The following SPATS2 variants were observed in gnomAD, a reference collection of about 807,000 sequenced individuals.
The protein encoded by SPATS2 is spermatogenesis associated serine rich 2.
In SPATS2, 38 loss-of-function variants were observed where a neutral mutation model predicts 63.7. The observed-to-expected ratio is 0.60, with a 90% confidence interval of 0.46 to 0.78. SPATS2 has a LOEUF of 0.78. SPATS2 is among the 30% of genes least tolerant of loss of function. The probability of loss-of-function intolerance (pLI) is 0.00; values close to 1 mark genes in which losing one functional copy is unlikely to be tolerated. For missense variants in SPATS2, 588 were observed against 666.2 expected (o/e 0.88, Z 1.29); for synonymous variants, 207 against 232.9 (o/e 0.89, Z 1.01).
intron 5 of SPATS2, chr12:49,490,414 C>A (rs1404385312): frequency 7.4e-6 from 3 of 404,208 alleles, no homozygotes; most frequent in Admixed American, 8.4e-5. Flanking sequence ...AGAGAATCTT[C>A]AAAATGGCCC....
chr12:49,368,120 A>G (rs551479885), intron 1 of SPATS2, among the ~76,000 whole-genome samples: 31 of 152,334 alleles, frequency 2.0e-4, no homozygotes, highest in Non-Finnish European at 3.1e-4. Context: ...AGATGTGGTT[A>G]GGACTTGGAT....
rs1233358750 is a variant in SPATS2, at chr12:49,494,876, G to A, written c.400G>A (p.Val134Ile). 1.9e-6 allele frequency: 3 copies of A among 1,613,866 alleles called. No individual in the cohort carries two copies. Among genetic ancestry groups the A allele is most frequent in the African/African-American group, 2.7e-5 (2 of 74,850 alleles). Residue 134 changes from valine to isoleucine, a missense_variant, in exon 7 of 14, where the codon GTC becomes ATC. Transcript: ENST00000552918. Reference sequence around the variant, plus strand: ...GAAAGGTGGTATGAATGGCTACCATGTCAATGGTGCCATCAATGACACTGA... The same window carrying A: ...GAAAGGTGGTATGAATGGCTACCATATCAATGGTGCCATCAATGACACTGA... ...SEKGGMNGYH[V>I]NGAINDTESV...
chr12:49,497,851 A>G (rs1946490166), intron 8 of SPATS2, among the ~76,000 whole-genome samples: 1 of 151,984 alleles, frequency 6.6e-6, no homozygotes, highest in Non-Finnish European at 1.5e-5. Flanking sequence ...TAAAAAAAAA[A>G]GAAAACTACA....
At chr12:49,382,528 T>A (rs1196137342) in intron 2 of SPATS2, among the ~76,000 whole-genome samples, 3 of 152,106 alleles carry the variant, frequency 2.0e-5, no homozygotes, top group African/African-American at 7.2e-5. Context: ...AAATGTAGAG[T>A]GTGTGAAGCA....
chr12:49,437,792 T>G (rs1229391932), intron 2 of SPATS2, among the ~76,000 whole-genome samples: 1 of 151,890 alleles, frequency 6.6e-6, no homozygotes, highest in East Asian at 1.9e-4. Flanking sequence ...CAGTCCAGCT[T>G]TGGCTCGGCA....
intron 2 of SPATS2, among the ~76,000 whole-genome samples, chr12:49,417,488 C>T (rs1235735456): frequency 2.0e-5 from 3 of 152,236 alleles, no homozygotes; most frequent in African/African-American, 7.2e-5. Context: ...AACTACTCTA[C>T]TGCCTGACCC....
At chr12:49,411,416 G>T (rs966395680) in intron 2 of SPATS2, among the ~76,000 whole-genome samples, 34 of 152,074 alleles carry the variant, frequency 2.2e-4, no homozygotes, top group African/African-American at 8.0e-4. Flanking sequence ...AGACTTGATT[G>T]AAATGTGAAA....
chr12:49,484,702 A>G, intron 4 of SPATS2, 33 bp downstream of exon 4: 1 of 1,599,506 alleles, frequency 6.3e-7, no homozygotes, highest in South Asian at 1.1e-5. Context: ...GTAAACTTAA[A>G]TGTCATAGGA....
intron 2 of SPATS2, among the ~76,000 whole-genome samples, chr12:49,431,941 C>T (rs145815505): frequency 6.6e-6 from 1 of 151,974 alleles, no homozygotes; most frequent in Non-Finnish European, 1.5e-5. Flanking sequence ...ATCGTTTGAA[C>T]CTGGGAGGTT....
At position 49,436,123 on chromosome 12, in the gene SPATS2, T is replaced by C. The variant is rs552199374; in HGVS notation, c.-243-24647T>C. ...CCCTTTCTATTCCACAAAACCGCCATTGTCATCATGGCCCGTTCTCAATGA... is the reference window on the plus strand; with the variant it reads ...CCCTTTCTATTCCACAAAACCGCCACTGTCATCATGGCCCGTTCTCAATGA... On this transcript the variant is annotated intron_variant, in intron 2 of 13. Transcript: ENST00000552918. Among the ~76,000 whole-genome samples the C allele has an allele frequency of 1.5e-4, 23 of 152,088 alleles. No homozygotes were observed. In the South Asian group the frequency reaches 4.4e-3, roughly 29 times the overall value.
chr12:49,433,545 T>C (rs1945222422), intron 2 of SPATS2, among the ~76,000 whole-genome samples: 1 of 152,230 alleles, frequency 6.6e-6, no homozygotes. Flanking sequence ...TAATGAGTGA[T>C]TGAGCATCTT....
chr12:49,497,018 G>C lies in SPATS2; in HGVS notation c.703+9G>C. On this transcript the variant is annotated intron_variant, in intron 8 of 13. Transcript: ENST00000552918. ...CACCAGTAAAAAGCTAAGTAAGTCA[G>C]AGGCCCACCTGTGAGAGAAAATGAA... 1 of 1,515,796 alleles carries C rather than the reference G, an allele frequency of 6.6e-7. No individual in the cohort carries two copies. Among genetic ancestry groups the C allele is most frequent in the Non-Finnish European group, 8.8e-7 (1 of 1,135,254 alleles). 93.9% of individuals were successfully genotyped at this position (1,515,796 alleles called of 1,614,324 possible).
intron 2 of SPATS2, among the ~76,000 whole-genome samples, chr12:49,385,390 G>GTGTGTGTGTGT (rs397797694): frequency 3.3e-5 from 5 of 150,928 alleles, no homozygotes; most frequent in South Asian, 2.1e-4. Context: ...GTGTGTGTGT[G>GTGTGTGTGTGT]GCAGAGACAG....
rs775492501 is a variant in SPATS2, at chr12:49,494,967, C to G, written c.491C>G (p.Pro164Arg). ...ATAGATGCCAGAGAATTGGAGGATC[C>G]CGAGTCTGCCATGCTAGATACGCTG... Reference protein sequence around the residue: ...LSIDARELEDPESAMLDTLDR... With the variant: ...LSIDARELEDRESAMLDTLDR... Residue 164 changes from proline (P) to arginine (R), a missense_variant, in exon 7 of 14, where the codon CCC becomes CGC. Coordinates refer to ENST00000552918, the MANE Select transcript of SPATS2 (RefSeq NM_023071.4). 1.9e-6 allele frequency: 3 copies of G among 1,613,242 alleles called. No individual in the cohort carries two copies. In the Admixed American group the frequency reaches 5.0e-5, roughly 27 times the overall value.
intron 9 of SPATS2, among the ~76,000 whole-genome samples, chr12:49,508,507 A>G (rs1030851563): frequency 6.6e-6 from 1 of 152,052 alleles, no homozygotes. Flanking sequence ...ATGAGCCACC[A>G]TGCCCAGCCA....
chr12:49,427,385 G>A (rs1383537073), intron 2 of SPATS2, among the ~76,000 whole-genome samples: 1 of 152,068 alleles, frequency 6.6e-6, no homozygotes, highest in African/African-American at 2.4e-5. Flanking sequence ...ACACATTTTT[G>A]CAGCAGTACA....
At chr12:49,480,490 G>A (rs1384556395) in intron 3 of SPATS2, among the ~76,000 whole-genome samples, 1 of 151,908 alleles carries the variant, frequency 6.6e-6, no homozygotes. Flanking sequence ...TTTTTAATCA[G>A]TCTCTTGCAC....
chr12:49,389,695 G>A, intron 2 of SPATS2: 2 of 1,544,370 alleles, frequency 1.3e-6, no homozygotes, highest in East Asian at 2.3e-5. Context: ...CAAGAACATC[G>A]GCCACGGTCC....
At chr12:49,433,533 A>T (rs1194777023) in intron 2 of SPATS2, among the ~76,000 whole-genome samples, 2 of 152,154 alleles carry the variant, frequency 1.3e-5, no homozygotes, top group Non-Finnish European at 2.9e-5. Flanking sequence ...GCATTTCTCT[A>T]ATAATGAGTG....
Sources: gnomAD v4.1 joint callset for allele counts (sites outside exome capture counted in the v4.1 genomes callset) on GRCh38, gnomAD v4.1.1 for gene constraint, MANE v1.5 for transcripts, NCBI Gene and HGNC (gene_info 2026-07-23, HGNC 2026-07-21) for gene names.